CEP57L1: variants seen among roughly 807,000 people sequenced by gnomAD.
CEP57L1 encodes centrosomal protein 57 like 1, also known as centrosomal protein CEP57L1.
A neutral mutation model predicts 61.0 loss-of-function variants in CEP57L1; 37 were observed. That is an observed-to-expected ratio of 0.61 (90% CI 0.47 to 0.80). The LOEUF is 0.80. CEP57L1 is among the 30% of genes least tolerant of loss of function. The probability of loss-of-function intolerance (pLI) is 0.00; values close to 1 mark genes in which losing one functional copy is unlikely to be tolerated. For missense variants in CEP57L1, 422 were observed against 524.7 expected (o/e 0.80, Z 1.91); for synonymous variants, 137 against 162.3 (o/e 0.84, Z 1.19).
In CEP57L1 at chr6:109,159,012, TGCCAATCTCTA is replaced by T. The variant is rs1562145754; in HGVS notation, c.745-11_745-1del. 1 of 1,592,900 alleles carries T rather than the reference TGCCAATCTCTA, an allele frequency of 6.3e-7. No individual in the cohort carries two copies. Among genetic ancestry groups the T allele is most frequent in the Non-Finnish European group, 8.5e-7 (1 of 1,173,498 alleles). On this transcript the variant is annotated splice_acceptor_variant and splice_polypyrimidine_tract_variant and intron_variant, in intron 7 of 10. Coordinates refer to ENST00000517392, the MANE Select transcript of CEP57L1 (RefSeq NM_001271852.3). LOFTEE classifies it high-confidence loss of function. ...TAATTTCTTGTTTACGTTTTTTTCT[TGCCAATCTCTA>T]GAAAACTAAATGTATAAAGAGACGA... is the stretch of plus-strand genomic sequence containing the variant.
At chr6:109,110,388 G>T (rs1479628584) in intron 1 of CEP57L1, among the ~76,000 whole-genome samples, 2 of 152,082 alleles carry the variant, frequency 1.3e-5, no homozygotes, top group Admixed American at 1.3e-4. Flanking sequence ...TGACATGGTT[G>T]TTTGATTTTT....
At chr6:109,143,521 CTT>C (rs1417775150) in intron 1 of CEP57L1, among the ~76,000 whole-genome samples, 2 of 152,082 alleles carry the variant, frequency 1.3e-5, no homozygotes, top group African/African-American at 4.8e-5. Context: ...TTTTCTTCAT[CTT>C]GTTTTTATCC....
At chr6:109,103,108 GA>G (rs1381787790) in intron 1 of CEP57L1, among the ~76,000 whole-genome samples, 1 of 152,072 alleles carries the variant, frequency 6.6e-6, no homozygotes, top group Non-Finnish European at 1.5e-5. Context: ...ATCAACCTGT[GA>G]TTTTTCCACA....
chr6:109,099,494 T>A (rs1782109985), intron 1 of CEP57L1, among the ~76,000 whole-genome samples: 1 of 152,066 alleles, frequency 6.6e-6, no homozygotes, highest in South Asian at 2.1e-4. Context: ...AAACTTTTGG[T>A]GGAGTAAAGG....
At position 109,146,887 on chromosome 6, in the gene CEP57L1, A is replaced by G. The variant is rs771720477; in HGVS notation, c.290A>G (p.Glu97Gly). The G allele has an allele frequency of 6.2e-7, 1 of 1,609,908 alleles. No individual in the cohort carries two copies. The highest frequency in any genetic ancestry group is 8.5e-7 in the Non-Finnish European group (1 of 1,178,360). Residue 97 changes from glutamate to glycine, a missense_variant, in exon 3 of 11, where the codon GAA (glutamate) becomes GGA (glycine). Glu to Gly is a moderately conservative substitution (Grantham distance 98). Transcript: ENST00000517392. ...CAGTATAAGAAGGCCTTAGAGAATG[A>G]AACAAATGAGAGAAATCTGGCACAC... ...AAQYKKALEN[E>G]TNERNLAHQE... is the part of the protein sequence containing the mutation.
At chr6:109,101,623 C>CTTTTTT (rs1175348573) in intron 1 of CEP57L1, among the ~76,000 whole-genome samples, 2 of 139,930 alleles carry the variant, frequency 1.4e-5, no homozygotes, top group Admixed American at 1.4e-4. Context: ...TTTCTTTTTT[C>CTTTTTT]TTTTTTTTTT....
intron 1 of CEP57L1, among the ~76,000 whole-genome samples, chr6:109,126,882 T>A (rs1270963804): frequency 6.6e-6 from 1 of 152,228 alleles, no homozygotes; most frequent in African/African-American, 2.4e-5. Context: ...AAAAACTGGC[T>A]GTTGGCCAGG....
chr6:109,108,654 T>A (rs1219985339), intron 1 of CEP57L1, among the ~76,000 whole-genome samples: 2 of 152,236 alleles, frequency 1.3e-5, no homozygotes, highest in Non-Finnish European at 2.9e-5. Context: ...ACAAATTCTA[T>A]TTCTTGTTCC....
chr6:109,095,208 T>C (rs1351014570), upstream of CEP57L1: 2 of 985,398 alleles, frequency 2.0e-6, no homozygotes, highest in African/African-American at 3.5e-5. Flanking sequence ...GCGGTTTCCG[T>C]TCCCGGACGT....
intron 1 of CEP57L1, chr6:109,124,899 G>C (rs1167096172): frequency 6.6e-6 from 1 of 152,088 alleles, no homozygotes; most frequent in Non-Finnish European, 1.5e-5. Context: ...TTAAGTTGTG[G>C]ATGTTTCAGG....
chr6:109,131,503 T>G (rs1489152028), intron 1 of CEP57L1, among the ~76,000 whole-genome samples: 1 of 152,030 alleles, frequency 6.6e-6, no homozygotes, highest in East Asian at 1.9e-4. Context: ...CTCCTTTTCC[T>G]TTTTTGAAGC....
chr6:109,129,798 T>C (rs1039324158), intron 1 of CEP57L1, among the ~76,000 whole-genome samples: 8 of 151,636 alleles, frequency 5.3e-5, no homozygotes, highest in African/African-American at 1.7e-4. Flanking sequence ...CGCAGGTTTA[T>C]ATCTTTCTTT....
At chr6:109,113,273 C>T (rs776551586) in intron 1 of CEP57L1, among the ~76,000 whole-genome samples, 1 of 152,012 alleles carries the variant, frequency 6.6e-6, no homozygotes, top group African/African-American at 2.4e-5. Flanking sequence ...TAACATGGAT[C>T]GTCCCCTCTT....
chr6:109,153,343 G>C (rs2114920981), intron 4 of CEP57L1, among the ~76,000 whole-genome samples: 1 of 143,678 alleles, frequency 7.0e-6, no homozygotes, highest in East Asian at 2.2e-4. Flanking sequence ...CCAGGCTCAA[G>C]CAATCTTCTC....
At chr6:109,140,473 C>T (rs1461724448) in intron 1 of CEP57L1, 2 of 149,936 alleles carry the variant, frequency 1.3e-5, no homozygotes, top group Non-Finnish European at 1.5e-5. Flanking sequence ...GATCTCGGCT[C>T]CCTGCAACGT....
In CEP57L1 at chr6:109,129,298, T is replaced by A. The variant is rs1316143281; in HGVS notation, c.-3-15921T>A. The A allele has an allele frequency of 4.9e-6, 5 of 1,011,258 alleles. No individual in the cohort carries two copies. The African/African-American group carries it at 8.4e-5, about 17-fold the overall frequency. 62.6% of individuals were successfully genotyped at this position (1,011,258 alleles called of 1,614,324 possible). A position where few individuals can be genotyped will look rare whatever the true frequency, so the allele number is the denominator to read the frequency against. ...TTTATTAACTTAAGCTATTCATATT[T>A]CCTAGAAAATGGATCCTCACTTCTT... On this transcript the variant is annotated intron_variant, in intron 1 of 10. Coordinates refer to ENST00000517392, the MANE Select transcript of CEP57L1 (RefSeq NM_001271852.3).
At chr6:109,102,762 C>CT (rs944216807) in intron 1 of CEP57L1, among the ~76,000 whole-genome samples, 3 of 151,732 alleles carry the variant, frequency 2.0e-5, no homozygotes, top group African/African-American at 7.3e-5. Flanking sequence ...AGGTGAAAAA[C>CT]TTTTTTTTAA....
At chr6:109,117,907 C>T (rs925808177) in intron 1 of CEP57L1, among the ~76,000 whole-genome samples, 1 of 152,100 alleles carries the variant, frequency 6.6e-6, no homozygotes, top group Non-Finnish European at 1.5e-5. Flanking sequence ...GGAAGGCCCT[C>T]AGCACTTTCA....
intron 1 of CEP57L1, among the ~76,000 whole-genome samples, chr6:109,103,508 T>TA (rs1482737802): frequency 6.6e-6 from 1 of 152,208 alleles, no homozygotes; most frequent in Non-Finnish European, 1.5e-5. Context: ...AACACTGTCA[T>TA]ACATACTATT....
Sources: allele counts gnomAD v4.1 joint callset (sites outside exome capture counted in the v4.1 genomes callset), GRCh38; gene constraint gnomAD v4.1.1; transcripts MANE v1.5; gene names NCBI Gene and HGNC (gene_info 2026-07-23, HGNC 2026-07-21).